The following JAZF1 variants were observed in gnomAD, a reference collection of about 807,000 sequenced individuals.
JAZF1 encodes the protein juxtaposed with another zinc finger protein 1.
In JAZF1, 8 loss-of-function variants were observed where a neutral mutation model predicts 26.4. The observed-to-expected ratio is 0.30, with a 90% CI of 0.18 to 0.55. The LOEUF (loss-of-function observed/expected upper bound fraction) is 0.55, where lower values mean the gene tolerates loss of function less well. Ranked by LOEUF, JAZF1 falls within the 20% of genes least tolerant of loss-of-function variation. The pLI is 0.94. For missense variants in JAZF1, 199 were observed against 322.0 expected, an observed-to-expected ratio of 0.62 and a Z score of 2.92; for synonymous variants, 126 against 122.3, an observed-to-expected ratio of 1.03 and a Z score of -0.20.
At chr7:28,019,990 C>T (rs1405630566) in intron 1 of JAZF1, among the ~76,000 whole-genome samples, 1 of 152,074 alleles carries the variant, frequency 6.6e-6, no homozygotes, top group Non-Finnish European at 1.5e-5. Flanking sequence ...CTGAGGGCTA[C>T]AAAAGCCTAC....
At chr7:28,120,501 C>CTTTGTTTTTTTTT (rs1782582417) in intron 1 of JAZF1, among the ~76,000 whole-genome samples, 1 of 59,004 alleles carries the variant, frequency 1.7e-5, no homozygotes, top group African/African-American at 6.8e-5. Context: ...ACACACAGTT[C>CTTTGTTTTTTTTT]TTTTTTTTTT....
intron 1 of JAZF1, among the ~76,000 whole-genome samples, chr7:28,080,195 A>G (rs984535342): frequency 6.6e-6 from 1 of 152,204 alleles, no homozygotes; most frequent in Non-Finnish European, 1.5e-5. Flanking sequence ...CCTAAACTTC[A>G]TGAACCCAAC....
intron 1 of JAZF1, among the ~76,000 whole-genome samples, chr7:28,083,561 C>G (rs1301485787): frequency 6.6e-6 from 1 of 152,112 alleles, no homozygotes; most frequent in Non-Finnish European, 1.5e-5. Context: ...ACTTACTTCA[C>G]AGGGTTGCCG....
At chr7:27,971,285 G>T (rs2128359686) in intron 2 of JAZF1, among the ~76,000 whole-genome samples, 1 of 152,290 alleles carries the variant, frequency 6.6e-6, no homozygotes, top group East Asian at 1.9e-4. Flanking sequence ...CTCTGCACAG[G>T]CCAGACGGGA....
chr7:27,949,017 A>C (rs1446869377), intron 2 of JAZF1, among the ~76,000 whole-genome samples: 1 of 152,210 alleles, frequency 6.6e-6, no homozygotes, highest in Admixed American at 6.5e-5. Context: ...TAAGAGGCCA[A>C]ATTCAGCAGG....
intron 1 of JAZF1, among the ~76,000 whole-genome samples, chr7:28,175,606 C>T (rs1783538917): frequency 6.6e-6 from 1 of 152,202 alleles, no homozygotes; most frequent in Non-Finnish European, 1.5e-5. Flanking sequence ...GTGTGTTCAA[C>T]TCCAAGCAGG....
intron 2 of JAZF1, among the ~76,000 whole-genome samples, chr7:27,972,176 T>C (rs1306150597): frequency 6.6e-6 from 1 of 152,198 alleles, no homozygotes; most frequent in Non-Finnish European, 1.5e-5. Flanking sequence ...CAAGCAGTGA[T>C]AAGCACTATG....
At chr7:27,849,719 T>C (rs1221097950) in intron 3 of JAZF1, among the ~76,000 whole-genome samples, 1 of 105,570 alleles carries the variant, frequency 9.5e-6, no homozygotes, top group Non-Finnish European at 2.0e-5. Context: ...TCACTGTCAG[T>C]TTCATGAATC....
At chr7:27,922,659 A>G (rs1334754603) in intron 2 of JAZF1, among the ~76,000 whole-genome samples, 1 of 146,026 alleles carries the variant, frequency 6.8e-6, no homozygotes, top group Non-Finnish European at 1.5e-5. Context: ...AAGTACTAAC[A>G]GCTTTTAATA....
At chr7:27,883,701 T>C (rs1356633554) in intron 3 of JAZF1, among the ~76,000 whole-genome samples, 1 of 152,180 alleles carries the variant, frequency 6.6e-6, no homozygotes, top group Admixed American at 6.5e-5. Context: ...AACAAAACAC[T>C]TTGGGTATTG....
intron 2 of JAZF1, among the ~76,000 whole-genome samples, chr7:27,944,000 C>T (rs1390430428): frequency 6.6e-6 from 1 of 152,208 alleles, no homozygotes; most frequent in Non-Finnish European, 1.5e-5. Flanking sequence ...TTTTGTACCA[C>T]ACTTCCCTCC....
intron 1 of JAZF1, among the ~76,000 whole-genome samples, chr7:27,998,178 C>A (rs1786061496): frequency 6.6e-6 from 1 of 152,046 alleles, no homozygotes; most frequent in South Asian, 2.1e-4. Context: ...ACTGGCAGGG[C>A]TAGGACCAGA....
rs960137962 is a variant in JAZF1 at position 27,850,541 on chromosome 7, T to C, written c.386-9674A>G. Among the ~76,000 whole-genome samples, 3 of 152,196 alleles carry C rather than the reference T, an allele frequency of 2.0e-5. No homozygotes were observed. In the South Asian group the frequency reaches 6.2e-4, roughly 32 times the overall value. On this transcript the variant is annotated intron_variant, in intron 3 of 4. Coordinates refer to ENST00000283928, the MANE Select transcript of JAZF1 (RefSeq NM_175061.4). The stretch of plus-strand genomic sequence containing the variant: ...GTCATTATTTGTGATTACCTGACAG[T>C]TCCCAGGACACTGCTGGAACCACAA...
chr7:27,878,138 G>C (rs561465368), intron 3 of JAZF1, among the ~76,000 whole-genome samples: 2 of 152,240 alleles, frequency 1.3e-5, no homozygotes, highest in South Asian at 4.1e-4. Context: ...ACATGATGCA[G>C]TGTGATTATG....
In JAZF1 at chr7:27,832,882, T is replaced by C. The variant is rs1782733814; in HGVS notation, c.650A>G (p.Lys217Arg). The C allele has an allele frequency of 5.0e-6, 8 of 1,613,554 alleles. No homozygotes were observed. Among genetic ancestry groups the C allele is most frequent in the African/African-American group, 1.3e-5 (1 of 74,914 alleles). ...GTGGTGCCGCAGGCCCTGAGCTGTC[T>C]TGTAACTCTTCCCACAGCGACACTT... ...PFKCRCGKSY[K>R]TAQGLRHHTI... Residue 217 changes from lysine (K) to arginine (R), a missense_variant, in exon 5 of 5, where the codon AAG becomes AGG. Physicochemically the swap from Lys to Arg is conservative, Grantham distance 26. This residue lies in a region of JAZF1 where 62 missense variants were observed against 137.2 expected (regional missense o/e 0.45). Coordinates refer to ENST00000283928, the MANE Select transcript of JAZF1 (RefSeq NM_175061.4).
In JAZF1 at chr7:28,069,095, T is replaced by C. The variant is rs771836154; in HGVS notation, c.116-77114A>G. Among the ~76,000 whole-genome samples, 18 of 152,210 alleles carry C rather than the reference T, an allele frequency of 1.2e-4. 1 individual carries two copies. Among genetic ancestry groups the C allele is most frequent in the Non-Finnish European group, 2.1e-4 (14 of 68,030 alleles). On this transcript the variant is annotated intron_variant, in intron 1 of 4. Transcript: ENST00000283928. ...CAGCACAGGAGGAACTTACACATCA[T>C]CCAATCTGCCTACTGACAAGGCAGA...
At position 28,170,337 on chromosome 7, in the gene JAZF1, A is replaced by ATGTG. The variant is rs61200785; in HGVS notation, c.115+10122_115+10125dup. ...AATCTGAAGTAAAAGAGAAGTTGAT[A>ATGTG]TGTGTGTGTGTGTGTGTGTGTGTGT... On this transcript the variant is annotated intron_variant, in intron 1 of 4. Coordinates refer to ENST00000283928, the MANE Select transcript of JAZF1 (RefSeq NM_175061.4). Among the ~76,000 whole-genome samples the ATGTG allele has an allele frequency of 4.2e-3, 417 of 98,446 alleles. 5 individuals carry two copies. The highest frequency in any genetic ancestry group is 6.2e-3 in the Non-Finnish European group (262 of 42,132). 64.6% of individuals were successfully genotyped at this position (98,446 alleles called of 152,430 possible).
chr7:28,044,270 T>C (rs1783455510), intron 1 of JAZF1, among the ~76,000 whole-genome samples: 1 of 152,304 alleles, frequency 6.6e-6, no homozygotes, highest in South Asian at 2.1e-4. Flanking sequence ...CCTCTCAACA[T>C]TCCTCTCTTC....
At chr7:27,854,502 G>A (rs1298360736) in intron 3 of JAZF1, among the ~76,000 whole-genome samples, 2 of 152,204 alleles carry the variant, frequency 1.3e-5, no homozygotes, top group Non-Finnish European at 2.9e-5. Flanking sequence ...TGCAGTGGCT[G>A]GTAATAGTTT....
Sources: allele counts gnomAD v4.1 joint callset (sites outside exome capture counted in the v4.1 genomes callset), GRCh38; gene constraint gnomAD v4.1.1; regional missense constraint gnomAD v4.1.1; transcripts MANE v1.5; gene names NCBI Gene and HGNC (gene_info 2026-07-23, HGNC 2026-07-21).